The following SH3YL1 variants were observed in gnomAD, a reference collection of about 807,000 sequenced individuals.
SH3YL1 encodes SH3 and SYLF domain containing 1, also known as SH3 domain-containing YSC84-like protein 1.
Under a neutral mutation model 45.8 loss-of-function variants are expected in SH3YL1, and 41 were observed. The ratio of observed to expected loss-of-function variants is 0.89; its 90% CI spans 0.70 to 1.16. The LOEUF (loss-of-function observed/expected upper bound fraction) is 1.16, where lower values mean the gene tolerates loss of function less well. Among genes scored for constraint, SH3YL1 ranks in the 50% most tolerant of loss-of-function variants. The probability of loss-of-function intolerance (pLI) is 0.00; values close to 1 mark genes in which losing one functional copy is unlikely to be tolerated. For missense variants in SH3YL1, 389 were observed against 409.6 expected (o/e 0.95, Z 0.43); for synonymous variants, 152 against 151.4 (o/e 1.00, Z -0.03).
At chr2:222,816 C>G (rs779899963) in intron 9 of SH3YL1, 2 of 152,212 alleles carry the variant, frequency 1.3e-5, no homozygotes, top group Admixed American at 6.5e-5. Flanking sequence ...GGAGCTCGCA[C>G]GTGGAGGACT....
At chr2:256,209 T>A (rs1006833388) in intron 1 of SH3YL1, 1 of 152,230 alleles carries the variant, frequency 6.6e-6, no homozygotes. Context: ...TTACTCACCA[T>A]GAAATTACTG....
At position 230,962 on chromosome 2, in the gene SH3YL1, G is replaced by A. The variant is rs561932754; in HGVS notation, c.702+61C>T. ...TCTTAGGAACCTGATATCAGGGACA[G>A]AATGTTCTACAGAAAGAGATTTTCT... is the stretch of plus-strand genomic sequence containing the variant. On this transcript the variant is annotated intron_variant, in intron 7 of 9. Coordinates refer to ENST00000356150, the MANE Select transcript of SH3YL1 (RefSeq NM_015677.4). 9.8e-6 allele frequency: 15 copies of A among 1,536,260 alleles called. No homozygotes were observed. In the Admixed American group the frequency reaches 1.2e-4, roughly 12 times the overall value.
intron 4 of SH3YL1, among the ~76,000 whole-genome samples, chr2:244,472 GGCGA>G (rs1364216211): frequency 1.1e-4 from 17 of 150,226 alleles, no homozygotes; most frequent in Non-Finnish European, 2.2e-4. Context: ...CTCCAGCCTG[GGCGA>G]CAGAGCAAGA....
At position 249,661 on chromosome 2, in the gene SH3YL1, T is replaced by C. The variant is rs965718742; in HGVS notation, c.226+70A>G. The C allele has an allele frequency of 5.3e-6, 6 of 1,122,846 alleles. No homozygotes were observed. The Admixed American group carries it at 1.0e-4, about 20-fold the overall frequency. The allele number at this position is 1,122,846 out of a possible 1,614,324, so 69.6% of individuals were successfully genotyped here. On this transcript the variant is annotated intron_variant, in intron 3 of 9. Transcript: ENST00000356150. Reference sequence around the variant, plus strand: ...GAAACCTGTCCTACTCGCTATGCAATGTGTTCACATGAAAACAGACAGAAC... The same window carrying C: ...GAAACCTGTCCTACTCGCTATGCAACGTGTTCACATGAAAACAGACAGAAC...
At chr2:250,817 T>G (rs1669040013) in intron 2 of SH3YL1, among the ~76,000 whole-genome samples, 1 of 152,230 alleles carries the variant, frequency 6.6e-6, no homozygotes, top group East Asian at 1.9e-4. Flanking sequence ...GAAGTTTGCA[T>G]GCAGAACATT....
chr2:228,373 A>C (rs534712404), intron 8 of SH3YL1, among the ~76,000 whole-genome samples: 2 of 152,352 alleles, frequency 1.3e-5, no homozygotes, highest in African/African-American at 4.8e-5. Flanking sequence ...TATATGGCAG[A>C]AACAACCTTC....
intron 8 of SH3YL1, among the ~76,000 whole-genome samples, chr2:227,235 A>G (rs1292917385): frequency 6.6e-6 from 1 of 152,160 alleles, no homozygotes; most frequent in African/African-American, 2.4e-5. Context: ...TCTAAGTAGT[A>G]AAAACTTTTG....
At chr2:234,401 A>T in intron 4 of SH3YL1, 129 bp from the exon 5 acceptor site, 1 of 626,202 alleles carries the variant, frequency 1.6e-6, no homozygotes, top group South Asian at 2.2e-5. Context: ...AAAGAACGTG[A>T]GACAAGAGCC....
chr2:234,463 T>C (rs1668196359), intron 4 of SH3YL1, among the ~76,000 whole-genome samples, 191 bp from the exon 5 acceptor site: 1 of 152,180 alleles, frequency 6.6e-6, no homozygotes, highest in African/African-American at 2.4e-5. Context: ...CCACAGGTAA[T>C]TACAACAAAC....
chr2:225,891 A>G (rs1667767507), intron 8 of SH3YL1, among the ~76,000 whole-genome samples: 1 of 152,242 alleles, frequency 6.6e-6, no homozygotes, highest in South Asian at 2.1e-4. Flanking sequence ...ACAAATGGAA[A>G]GCATGAAATG....
rs566690968 is a variant in SH3YL1 at position 231,271 on chromosome 2, C to G, written c.534-80G>C. The G allele has an allele frequency of 2.8e-6, 3 of 1,070,838 alleles. No individual in the cohort carries two copies. In the African/African-American group the frequency reaches 4.8e-5, roughly 17 times the overall value. The allele number at this position is 1,070,838 out of a possible 1,614,324, so 66.3% of individuals were successfully genotyped here. On this transcript the variant is annotated intron_variant, in intron 6 of 9. Transcript: ENST00000356150. The stretch of plus-strand genomic sequence containing the variant: ...GTTAAACATAGCATGTGCGCACACA[C>G]GGTGTGTATATATAATCATTCATAC...
chr2:231,974 T>G (rs1386836917), intron 6 of SH3YL1, among the ~76,000 whole-genome samples: 1 of 152,126 alleles, frequency 6.6e-6, no homozygotes, highest in Non-Finnish European at 1.5e-5. Flanking sequence ...TTGTCTCGGA[T>G]AGTGGCGGGT....
At position 231,147 on chromosome 2, in the gene SH3YL1, T is replaced by G. The variant is rs771019266; in HGVS notation, c.578A>C (p.Asp193Ala). Residue 193 changes from aspartate to alanine, a missense_variant, in exon 7 of 10, where the codon GAT becomes GCT. Asp to Ala is a moderately radical substitution (Grantham distance 126). Coordinates refer to ENST00000356150, the MANE Select transcript of SH3YL1 (RefSeq NM_015677.4). ...DIRAYDILFGDTPRPAQAEDL... is the reference protein window; with the variant it reads ...DIRAYDILFGATPRPAQAEDL... ...TTCGGCTTGAGCAGGCCGCGGTGTA[T>G]CTCCAAATAAAATGTCATAAGCTCG... 2.0e-5 allele frequency: 32 copies of G among 1,613,790 alleles called. No individual in the cohort carries two copies. Among genetic ancestry groups the G allele is most frequent in the Non-Finnish European group, 2.5e-5 (29 of 1,179,902 alleles).
intron 1 of SH3YL1, chr2:256,839 C>A (rs10432714): frequency 6.6e-6 from 1 of 152,164 alleles, no homozygotes; most frequent in Non-Finnish European, 1.5e-5. Context: ...CAGGCTTCCA[C>A]CAGAAACTTT....
chr2:218,424 T>C lies in SH3YL1; in HGVS notation c.*387A>G, dbSNP rs1296610686. 6.2e-6 allele frequency: 1 copy of C among 162,444 alleles called. No individual in the cohort carries two copies. The highest frequency in any genetic ancestry group is 2.4e-5 in the African/African-American group (1 of 41,870). The allele number at this position is 162,444 out of a possible 1,614,324, so 10.1% of individuals were successfully genotyped here. ...ACTTAATACCTCATTTAAGCTGATTTCTTTTTCTCTAGTCACTTTGCAAAT... is the reference window on the plus strand; with the variant it reads ...ACTTAATACCTCATTTAAGCTGATTCCTTTTTCTCTAGTCACTTTGCAAAT... On this transcript the variant is annotated 3_prime_UTR_variant, in exon 10 of 10. Coordinates refer to ENST00000356150, the MANE Select transcript of SH3YL1 (RefSeq NM_015677.4).
intron 4 of SH3YL1, among the ~76,000 whole-genome samples, chr2:237,016 G>A (rs953687882): frequency 6.6e-6 from 1 of 152,160 alleles, no homozygotes; most frequent in African/African-American, 2.4e-5. Context: ...TTATGGTGCT[G>A]AATGGCAGAT....
chr2:230,063 T>C lies in SH3YL1; in HGVS notation c.703-19A>G, dbSNP rs761815029. On this transcript the variant is annotated intron_variant, in intron 7 of 9. Transcript: ENST00000356150. ...CTTTAGCCTGGGAGAAACAAAAAGA[T>C]AAATACACATAATTTTAAAATCTTG... 9.6e-6 allele frequency: 15 copies of C among 1,562,162 alleles called. No individual in the cohort carries two copies. The highest frequency in any genetic ancestry group is 1.4e-5 in the African/African-American group (1 of 72,892).
At position 238,259 on chromosome 2, in the gene SH3YL1, T is replaced by TTGTGTG. The variant is rs3842546; in HGVS notation, c.292-3993_292-3988dup. ...GGGGAATAAACCTTTTCCTCCCTCC[T>TTGTGTG]TGTGTGTGTGTGTGTGTGTGTGTGT... On this transcript the variant is annotated intron_variant, in intron 4 of 9. Transcript: ENST00000356150. 3.0e-3 allele frequency among the ~76,000 whole-genome samples: 421 copies of TTGTGTG among 141,944 alleles called. 1 individual carries two copies. Among genetic ancestry groups the TTGTGTG allele is most frequent in the Middle Eastern group, 0.014 (4 of 278 alleles). The allele number at this position is 141,944 out of a possible 152,430, so 93.1% of individuals were successfully genotyped here. A position where few individuals can be genotyped will look rare whatever the true frequency, so the allele number is the denominator to read the frequency against.
intron 6 of SH3YL1, 36 bp downstream of exon 6, chr2:233,065 A>G: frequency 6.6e-7 from 1 of 1,512,418 alleles, no homozygotes; most frequent in Non-Finnish European, 8.9e-7. Flanking sequence ...TTTTCTCATC[A>G]CACTTTCAAT....
Sources: allele counts gnomAD v4.1 joint callset (sites outside exome capture counted in the v4.1 genomes callset), GRCh38; gene constraint gnomAD v4.1.1; transcripts MANE v1.5; gene names NCBI Gene and HGNC (gene_info 2026-07-23, HGNC 2026-07-21).